Variants in LRP5 observed in about 807,000 individuals in gnomAD.
The protein encoded by LRP5 is low-density lipoprotein receptor-related protein 5.
A neutral mutation model predicts 154.1 loss-of-function variants in LRP5; 62 were observed. That is an observed-to-expected ratio of 0.40 (90% CI 0.33 to 0.50). The LOEUF (loss-of-function observed/expected upper bound fraction) is 0.50. Ranked by LOEUF, LRP5 falls within the 20% of genes least tolerant of loss-of-function variation. LRP5 has a pLI of 0.55. For synonymous variants in LRP5, 966 were observed against 1,011.5 expected (o/e 0.96, Z 0.85); for missense variants, 1,915 against 2,336.7 (o/e 0.82, Z 3.72).
chr11:68,373,402 G>A (rs1010873113), intron 5 of LRP5, among the ~76,000 whole-genome samples: 4 of 151,952 alleles, frequency 2.6e-5, no homozygotes, highest in South Asian at 2.1e-4. Flanking sequence ...GGGGGGCCCC[G>A]CACTGCTGTG....
chr11:68,409,318 T>C (rs1445668982), intron 9 of LRP5, among the ~76,000 whole-genome samples: 2 of 144,498 alleles, frequency 1.4e-5, no homozygotes, highest in African/African-American at 2.5e-5. Context: ...TAAGTATATA[T>C]TTAAAATATA....
At position 68,350,345 on chromosome 11, in the gene LRP5, A is replaced by C. The variant is rs1478204517; in HGVS notation, c.488+2102A>C. ...AGCCACTGCACCCAGCCTGACCTAGATCTTCTAGGTTAGAAAGTCCCAGGA... is the reference window on the plus strand; with the variant it reads ...AGCCACTGCACCCAGCCTGACCTAGCTCTTCTAGGTTAGAAAGTCCCAGGA... On this transcript the variant is annotated intron_variant, in intron 2 of 22. Coordinates refer to ENST00000294304, the MANE Select transcript of LRP5 (RefSeq NM_002335.4). Among the ~76,000 whole-genome samples, 3 of 152,202 alleles carry C rather than the reference A, an allele frequency of 2.0e-5. No individual in the cohort carries two copies. In the East Asian group the frequency reaches 5.8e-4, roughly 29 times the overall value.
intron 1 of LRP5, among the ~76,000 whole-genome samples, chr11:68,329,569 A>T (rs191958147): frequency 6.6e-6 from 1 of 152,202 alleles, no homozygotes; most frequent in Non-Finnish European, 1.5e-5. Context: ...TTGTCATCCC[A>T]GACCTCAGCC....
intron 2 of LRP5, among the ~76,000 whole-genome samples, chr11:68,351,557 C>A (rs778876873): frequency 6.6e-6 from 1 of 152,120 alleles, no homozygotes; most frequent in African/African-American, 2.4e-5. Flanking sequence ...CCATGGCCAT[C>A]GTGTCGCCAG....
chr11:68,399,926 C>T (rs1365800311), intron 7 of LRP5, among the ~76,000 whole-genome samples: 1 of 152,216 alleles, frequency 6.6e-6, no homozygotes, highest in Non-Finnish European at 1.5e-5. Context: ...TCCCAGTTGG[C>T]CGGGTCCACC....
chr11:68,442,396 C>T (rs1310824427), intron 21 of LRP5, among the ~76,000 whole-genome samples: 1 of 152,086 alleles, frequency 6.6e-6, no homozygotes, highest in Non-Finnish European at 1.5e-5. Context: ...TGCCTCAGTC[C>T]CCTCAAGTAG....
intron 1 of LRP5, among the ~76,000 whole-genome samples, chr11:68,322,195 A>G (rs1019611706): frequency 5.9e-5 from 9 of 151,856 alleles, no homozygotes; most frequent in Admixed American, 5.9e-4. Flanking sequence ...GTCCATGCCT[A>G]TTCCTCCTGA....
intron 18 of LRP5, 123 bp from the exon 19 acceptor site, chr11:68,436,766 G>A: frequency 1.4e-6 from 1 of 714,098 alleles, no homozygotes; most frequent in Non-Finnish European, 2.5e-6. Flanking sequence ...ACTCCCCGCT[G>A]GTCCTAGAAA....
In LRP5 at chr11:68,416,518, C is replaced by G; in HGVS notation, c.3018C>G (p.Asp1006Glu). Residue 1006 changes from aspartate (D) to glutamate (E), a missense_variant, in exon 13 of 23, where the codon GAC becomes GAG. By Grantham distance (45) the Asp-to-Glu change is conservative (BLOSUM62 2). This residue lies in a region of LRP5 where 1,094 missense variants were observed against 1,210.1 expected (regional missense o/e 0.90). Coordinates refer to ENST00000294304, the MANE Select transcript of LRP5 (RefSeq NM_002335.4). Reference protein sequence around the residue: ...GRQNIKRAKDDGTQPFVLTSL... With the variant: ...GRQNIKRAKDEGTQPFVLTSL... ...AGAACATCAAGCGAGCCAAGGACGACGGGACCCAGGCAGGTGCCCTGTGGG... is the reference window on the plus strand; with the variant it reads ...AGAACATCAAGCGAGCCAAGGACGAGGGGACCCAGGCAGGTGCCCTGTGGG... The G allele has an allele frequency of 6.2e-7, 1 of 1,614,096 alleles. No individual in the cohort carries two copies. Among genetic ancestry groups the G allele is most frequent in the South Asian group, 1.1e-5 (1 of 91,082 alleles).
chr11:68,345,508 A>C (rs1337332520), intron 1 of LRP5, among the ~76,000 whole-genome samples: 1 of 151,612 alleles, frequency 6.6e-6, no homozygotes, highest in Non-Finnish European at 1.5e-5. Flanking sequence ...GCTGGTCTCG[A>C]ACTCCTGACC....
At position 68,340,521 on chromosome 11, in the gene LRP5, G is replaced by A. The variant is rs375188540; in HGVS notation, c.92-7326G>A. ...CTATGAAGCATCCTGTTTAAGCCTC[G>A]CACTCTGTGATGTGGAGGTGCAGTA... On this transcript the variant is annotated intron_variant, in intron 1 of 22. Coordinates refer to ENST00000294304, the MANE Select transcript of LRP5 (RefSeq NM_002335.4). Among the ~76,000 whole-genome samples, 17 of 152,248 alleles carry A rather than the reference G, an allele frequency of 1.1e-4. No individual in the cohort carries two copies. The East Asian group carries it at 2.3e-3, about 21-fold the overall frequency.
At chr11:68,389,340 C>G (rs1167512048) in intron 6 of LRP5, among the ~76,000 whole-genome samples, 4 of 152,050 alleles carry the variant, frequency 2.6e-5, no homozygotes, top group African/African-American at 9.7e-5. Context: ...ACACTGGCAT[C>G]TACTGACACT....
intron 9 of LRP5, among the ~76,000 whole-genome samples, chr11:68,409,216 T>C (rs934174718): frequency 1.8e-4 from 11 of 61,024 alleles, no homozygotes; most frequent in Non-Finnish European, 3.8e-4. Context: ...AGTAAATATA[T>C]AATATATAAT....
intron 7 of LRP5, among the ~76,000 whole-genome samples, chr11:68,392,767 G>A (rs1389192917): frequency 6.6e-6 from 1 of 152,104 alleles, no homozygotes; most frequent in East Asian, 1.9e-4. Flanking sequence ...TGTGGTCCCT[G>A]CGTGTGGCTT....
At chr11:68,430,250 C>T (rs536453122) in intron 17 of LRP5, among the ~76,000 whole-genome samples, 45 of 152,238 alleles carry the variant, frequency 3.0e-4, no homozygotes, top group East Asian at 5.8e-4. Flanking sequence ...CTCAGCTCAC[C>T]GCAACCTCTG....
rs774164233 is a variant in LRP5, at chr11:68,357,685, G to A, written c.524G>A (p.Arg175Gln). The change falls in exon 3 of 23, where the codon CGG (arginine) becomes CAG (glutamine). Residue 175 changes from arginine (R) to glutamine (Q), a missense_variant. Transcript: ENST00000294304. Reference sequence around the variant, plus strand: ...TGGACAGACTGGGGTGAGACGCCCCGGATTGAGCGGGCAGGGATGGATGGC... The same window carrying A: ...TGGACAGACTGGGGTGAGACGCCCCAGATTGAGCGGGCAGGGATGGATGGC... Reference protein sequence around the residue: ...MYWTDWGETPRIERAGMDGST... With the variant: ...MYWTDWGETPQIERAGMDGST... The A allele has an allele frequency of 1.9e-5, 30 of 1,613,998 alleles. No homozygotes were observed. The highest frequency in any genetic ancestry group is 1.6e-4 in the Middle Eastern group (1 of 6,084).
intron 1 of LRP5, among the ~76,000 whole-genome samples, chr11:68,337,177 A>G (rs79108958): frequency 0.014 from 2,064 of 152,354 alleles, 47 homozygotes; most frequent in African/African-American, 0.047. Flanking sequence ...GCCAGGCATC[A>G]GGGCAGATTG....
At chr11:68,434,937 G>C (rs1004165424) in intron 18 of LRP5, among the ~76,000 whole-genome samples, 1 of 152,238 alleles carries the variant, frequency 6.6e-6, no homozygotes, top group Non-Finnish European at 1.5e-5. Context: ...AGTCCTTCCA[G>C]CTCATTGACC....
rs529908819 is a variant in LRP5, at chr11:68,366,931, G to A, written c.1015+1229G>A. On this transcript the variant is annotated intron_variant, in intron 5 of 22. Transcript: ENST00000294304. Reference sequence around the variant, plus strand: ...ACTTGCCGGGTGCTGGCATTGCTCCGAGGCACTGGGGACCCCGCGGTGCAG... The same window carrying A: ...ACTTGCCGGGTGCTGGCATTGCTCCAAGGCACTGGGGACCCCGCGGTGCAG... Among the ~76,000 whole-genome samples the A allele has an allele frequency of 4.6e-5, 7 of 151,454 alleles. No individual in the cohort carries two copies. In the East Asian group the frequency reaches 5.9e-4, roughly 13 times the overall value.
Sources: allele counts gnomAD v4.1 joint callset (sites outside exome capture counted in the v4.1 genomes callset), GRCh38; gene constraint gnomAD v4.1.1; regional missense constraint gnomAD v4.1.1; transcripts MANE v1.5; gene names NCBI Gene and HGNC (gene_info 2026-07-23, HGNC 2026-07-21).